Variants in OR56A1 observed in about 807,000 individuals in gnomAD.
The protein encoded by OR56A1 is olfactory receptor 56A1.
For missense variants in OR56A1, 360 were observed against 380.9 expected (o/e 0.94, Z 0.46); for synonymous variants, 174 against 159.1 (o/e 1.09, Z -0.70).
At chr11:6,033,059 A>T (rs959553400), upstream of OR56A1, among the ~76,000 whole-genome samples, 5 of 152,052 alleles carry the variant, frequency 3.3e-5, no homozygotes, top group Non-Finnish European at 5.9e-5. Flanking sequence ...TCCTCAGATG[A>T]CATTTGTGGA....
chr11:6,021,711 C>T lies in OR56A1; in HGVS notation c.*5037G>A, dbSNP rs966092852. On this transcript the variant is annotated 3_prime_UTR_variant, in exon 2 of 2. Coordinates refer to ENST00000641900, the MANE Select transcript of OR56A1 (RefSeq NM_001388488.1). ...GGAACATTAATAAAGGCACAAACCC[C>T]CAAAGGCAGATGGCATTAAAAAAAC... 6.6e-6 allele frequency: 1 copy of T among 151,742 alleles called. No homozygotes were observed. The highest frequency in any genetic ancestry group is 2.4e-5 in the African/African-American group (1 of 41,288). The allele number at this position is 151,742 out of a possible 1,614,324, so 9.4% of individuals were successfully genotyped here. A position where few individuals can be genotyped will look rare whatever the true frequency, so the allele number is the denominator to read the frequency against.
rs1320778566 is a variant in OR56A1 at position 6,030,733 on chromosome 11, T to C, written c.-66A>G. 6.6e-6 allele frequency: 1 copy of C among 152,200 alleles called. No homozygotes were observed. The highest frequency in any genetic ancestry group is 1.5e-5 in the Non-Finnish European group (1 of 68,048). The allele number at this position is 152,200 out of a possible 1,614,324, so 9.4% of individuals were successfully genotyped here. ...CTCATCCTTTACATCTCAATTCAAATACTCTCTTCTCTGAGAGGTTTGTTC... is the reference window on the plus strand; with the variant it reads ...CTCATCCTTTACATCTCAATTCAAACACTCTCTTCTCTGAGAGGTTTGTTC... On this transcript the variant is annotated 5_prime_UTR_variant, in exon 1 of 2. Transcript: ENST00000641900.
At chr11:6,030,937 G>C (rs76633496), upstream of OR56A1, among the ~76,000 whole-genome samples, 794 of 152,262 alleles carry the variant, frequency 5.2e-3, 11 homozygotes, top group African/African-American at 0.018. Context: ...TGCTTGACAT[G>C]AAATGGCTAA....
At position 6,025,380 on chromosome 11, in the gene OR56A1, C is replaced by T. The variant is rs1437005161; in HGVS notation, c.*1368G>A. 1 of 152,244 alleles carries T rather than the reference C, an allele frequency of 6.6e-6. No homozygotes were observed. Among genetic ancestry groups the T allele is most frequent in the South Asian group, 2.1e-4 (1 of 4,824 alleles). The allele number at this position is 152,244 out of a possible 1,614,324, so 9.4% of individuals were successfully genotyped here. A position where few individuals can be genotyped will look rare whatever the true frequency, so the allele number is the denominator to read the frequency against. On this transcript the variant is annotated 3_prime_UTR_variant, in exon 2 of 2. Transcript: ENST00000641900. ...CTGAGTTTCTACCTACAGAGAGCAA[C>T]AGAAACATTAGAAGGTTGAAACATG...
chr11:6,034,122 C>T (rs1848537057), upstream of OR56A1, among the ~76,000 whole-genome samples: 1 of 152,178 alleles, frequency 6.6e-6, no homozygotes, highest in South Asian at 2.1e-4. Context: ...ATCTACGAGG[C>T]TGTTTACTGA....
In OR56A1 at chr11:6,026,435, T is replaced by C; in HGVS notation, c.*313A>G. On this transcript the variant is annotated 3_prime_UTR_variant, in exon 2 of 2. Coordinates refer to ENST00000641900, the MANE Select transcript of OR56A1 (RefSeq NM_001388488.1). ...CCCACATATGTGATCTTTGGTCATT[T>C]CCCTTCCTAAAAGCATCTCTTTTTC... The C allele has an allele frequency of 3.8e-6, 1 of 260,050 alleles. No individual in the cohort carries two copies. Among genetic ancestry groups the C allele is most frequent in the Non-Finnish European group, 7.4e-6 (1 of 135,816 alleles). The allele number at this position is 260,050 out of a possible 1,614,324, so 16.1% of individuals were successfully genotyped here.
rs1848417622 is a variant in OR56A1 at position 6,023,532 on chromosome 11, A to G, written c.*3216T>C. The G allele has an allele frequency of 6.6e-6, 1 of 152,160 alleles. No homozygotes were observed. The highest frequency in any genetic ancestry group is 1.5e-5 in the Non-Finnish European group (1 of 68,024). The allele number at this position is 152,160 out of a possible 1,614,324, so 9.4% of individuals were successfully genotyped here. ...GAATAGCAATGTGCAATGATATCAG[A>G]TCTTCCTGCTCAAGAGGCTGTGTTC... is the stretch of plus-strand genomic sequence containing the variant. On this transcript the variant is annotated 3_prime_UTR_variant, in exon 2 of 2. Coordinates refer to ENST00000641900, the MANE Select transcript of OR56A1 (RefSeq NM_001388488.1).
In OR56A1 at chr11:6,026,466, T is replaced by C. The variant is rs920016235; in HGVS notation, c.*282A>G. 3.6e-5 allele frequency: 12 copies of C among 333,472 alleles called. No homozygotes were observed. Among genetic ancestry groups the C allele is most frequent in the African/African-American group, 2.3e-4 (11 of 47,586 alleles). The allele number at this position is 333,472 out of a possible 1,614,324, so 20.7% of individuals were successfully genotyped here. On this transcript the variant is annotated 3_prime_UTR_variant, in exon 2 of 2. Coordinates refer to ENST00000641900, the MANE Select transcript of OR56A1 (RefSeq NM_001388488.1). ...CCTAAAAGCATCTCTTTTTCTACTATGTGAAATGAAAGTAACAATGCCTGC... is the reference window on the plus strand; with the variant it reads ...CCTAAAAGCATCTCTTTTTCTACTACGTGAAATGAAAGTAACAATGCCTGC...
At position 6,021,806 on chromosome 11, in the gene OR56A1, G is replaced by A. The variant is rs753166517; in HGVS notation, c.*4942C>T. ...GTTCCTCCTAGAGAACGCAAACAATGTCTAGTCAAGAAACTTGTCCCCCTC... is the reference window on the plus strand; with the variant it reads ...GTTCCTCCTAGAGAACGCAAACAATATCTAGTCAAGAAACTTGTCCCCCTC... On this transcript the variant is annotated 3_prime_UTR_variant, in exon 2 of 2. Transcript: ENST00000641900. 6.6e-6 allele frequency: 1 copy of A among 151,962 alleles called. No individual in the cohort carries two copies. The highest frequency in any genetic ancestry group is 1.5e-5 in the Non-Finnish European group (1 of 67,964). 9.4% of individuals were successfully genotyped at this position (151,962 alleles called of 1,614,324 possible).
rs1390977285 is a variant in OR56A1 at position 6,021,075 on chromosome 11, C to T, written c.*5673G>A. ...ACATCATTAAGTAGAAAAAGAGTGG[C>T]ATGGAGAAAGGGAGAAGACAATATA... is the stretch of plus-strand genomic sequence containing the variant. On this transcript the variant is annotated 3_prime_UTR_variant, in exon 2 of 2. Coordinates refer to ENST00000641900, the MANE Select transcript of OR56A1 (RefSeq NM_001388488.1). 1 of 151,862 alleles carries T rather than the reference C, an allele frequency of 6.6e-6. No individual in the cohort carries two copies. Among genetic ancestry groups the T allele is most frequent in the Non-Finnish European group, 1.5e-5 (1 of 67,936 alleles). 9.4% of individuals were successfully genotyped at this position (151,862 alleles called of 1,614,324 possible). A position where few individuals can be genotyped will look rare whatever the true frequency, so the allele number is the denominator to read the frequency against.
At chr11:6,032,203 G>A (rs182144132), upstream of OR56A1, among the ~76,000 whole-genome samples, 5 of 151,742 alleles carry the variant, frequency 3.3e-5, no homozygotes. Flanking sequence ...TGTAGCTAAA[G>A]TCCATTTCAA....
At position 6,023,740 on chromosome 11, in the gene OR56A1, T is replaced by C. The variant is rs938846020; in HGVS notation, c.*3008A>G. Reference sequence around the variant, plus strand: ...TCAGTTTTGAAAAACTGACAAAACATTGGTACCCCATCCATTTAAAATGCC... The same window carrying C: ...TCAGTTTTGAAAAACTGACAAAACACTGGTACCCCATCCATTTAAAATGCC... On this transcript the variant is annotated 3_prime_UTR_variant, in exon 2 of 2. Coordinates refer to ENST00000641900, the MANE Select transcript of OR56A1 (RefSeq NM_001388488.1). 1 of 152,254 alleles carries C rather than the reference T, an allele frequency of 6.6e-6. No homozygotes were observed. The highest frequency in any genetic ancestry group is 6.5e-5 in the Admixed American group (1 of 15,290). The allele number at this position is 152,254 out of a possible 1,614,324, so 9.4% of individuals were successfully genotyped here. A position where few individuals can be genotyped will look rare whatever the true frequency, so the allele number is the denominator to read the frequency against.
chr11:6,027,938 T>TA (rs111685831), intron 1 of OR56A1, among the ~76,000 whole-genome samples: 24 of 145,360 alleles, frequency 1.7e-4, no homozygotes, highest in Admixed American at 5.5e-4. Flanking sequence ...CTATGAAGTT[T>TA]AAAAAAAAAA....
chr11:6,030,025 G>A (rs79319688), intron 1 of OR56A1, among the ~76,000 whole-genome samples: 1,595 of 152,170 alleles, frequency 0.01, 16 homozygotes, highest in South Asian at 0.022. Flanking sequence ...AGAAGCCAGC[G>A]CCCAGAAAAT....
chr11:6,027,573 C>T lies in OR56A1; in HGVS notation c.120G>A (p.Leu40=). 1 of 1,613,950 alleles carries T rather than the reference C, an allele frequency of 6.2e-7. No homozygotes were observed. Among genetic ancestry groups the T allele is most frequent in the Non-Finnish European group, 8.5e-7 (1 of 1,179,992 alleles). The change falls in exon 2 of 2, where the codon CTG becomes CTA. Residue 40 remains leucine, a synonymous_variant. Coordinates refer to ENST00000641900, the MANE Select transcript of OR56A1 (RefSeq NM_001388488.1). ...LSLPLSLLFL[L]AMGANTTLLI... ...GGAGGGTGGTGTTAGCTCCCATGGC[C>T]AGGAGGAAGAGAAGGCTGAGGGGCA...
Position 6,022,895 on chromosome 11 carries a change from T to C in OR56A1, c.*3853A>G, listed in dbSNP as rs1848411169. 1 of 152,224 alleles carries C rather than the reference T, an allele frequency of 6.6e-6. No homozygotes were observed. Among genetic ancestry groups the C allele is most frequent in the Non-Finnish European group, 1.5e-5 (1 of 68,028 alleles). The allele number at this position is 152,224 out of a possible 1,614,324, so 9.4% of individuals were successfully genotyped here. A position where few individuals can be genotyped will look rare whatever the true frequency, so the allele number is the denominator to read the frequency against. Reference sequence around the variant, plus strand: ...GCCAAATGCTGATAGTGTAATATGTTATGAAACACTAAGGATATTCACTAT... The same window carrying C: ...GCCAAATGCTGATAGTGTAATATGTCATGAAACACTAAGGATATTCACTAT... On this transcript the variant is annotated 3_prime_UTR_variant, in exon 2 of 2. Coordinates refer to ENST00000641900, the MANE Select transcript of OR56A1 (RefSeq NM_001388488.1).
In OR56A1 at chr11:6,027,518, G is replaced by A. The variant is rs1004503212; in HGVS notation, c.175C>T (p.His59Tyr). The change falls in exon 2 of 2, where the codon CAC becomes TAC. Residue 59 changes from histidine (H) to tyrosine (Y), a missense_variant. Physicochemically the swap from His to Tyr is moderately conservative, Grantham distance 83. Coordinates refer to ENST00000641900, the MANE Select transcript of OR56A1 (RefSeq NM_001388488.1). ...CTGAGCAGGTAGTACAGGGGCTGGT[G>A]CAGAGAGGCCTCCAGCTGGATGGTG... The part of the protein sequence containing the change: ...LITIQLEASL[H>Y]QPLYYLLSLL... 3 of 1,613,952 alleles carry A rather than the reference G, an allele frequency of 1.9e-6. No homozygotes were observed. Among genetic ancestry groups the A allele is most frequent in the African/African-American group, 2.7e-5 (2 of 74,930 alleles).
chr11:6,027,940 A>T (rs919764213), intron 1 of OR56A1, among the ~76,000 whole-genome samples: 3 of 107,976 alleles, frequency 2.8e-5, no homozygotes, highest in Admixed American at 9.9e-5. Context: ...ATGAAGTTTA[A>T]AAAAAAAAAG....
intron 1 of OR56A1, among the ~76,000 whole-genome samples, chr11:6,029,705 A>T (rs1848494405): frequency 1.3e-5 from 2 of 152,024 alleles, no homozygotes; most frequent in South Asian, 4.1e-4. Context: ...ATTTTCTCGA[A>T]CACATCCATC....
Sources: gnomAD v4.1 joint callset for allele counts (sites outside exome capture counted in the v4.1 genomes callset) on GRCh38, gnomAD v4.1.1 for gene constraint, MANE v1.5 for transcripts, NCBI Gene and HGNC (gene_info 2026-07-23, HGNC 2026-07-21) for gene names.